Variants in CDK12 observed in about 807,000 individuals in gnomAD.
The protein encoded by CDK12 is cyclin dependent kinase 12, also known as cyclin-dependent kinase 12.
In CDK12, 17 loss-of-function variants were observed where a neutral mutation model predicts 133.8. The ratio of observed to expected loss-of-function variants is 0.13; its 90% CI spans 0.09 to 0.19. The LOEUF is 0.19. Ranked by LOEUF, CDK12 falls within the 10% of genes least tolerant of loss-of-function variation. CDK12 has a pLI of 1.00. For missense variants in CDK12, 1,508 were observed against 1,818.7 expected (o/e 0.83, Z 3.11); for synonymous variants, 694 against 683.6 (o/e 1.02, Z -0.24).
intron 8 of CDK12, among the ~76,000 whole-genome samples, chr17:39,515,354 G>C (rs1391170392): frequency 1.3e-5 from 2 of 152,152 alleles, no homozygotes; most frequent in Non-Finnish European, 2.9e-5. Context: ...AAACTTTATA[G>C]AAACTAACTG....
At chr17:39,473,219 C>T (rs2049935557) in intron 2 of CDK12, among the ~76,000 whole-genome samples, 1 of 151,338 alleles carries the variant, frequency 6.6e-6, no homozygotes, top group South Asian at 2.1e-4. Flanking sequence ...TTTGTTTTTT[C>T]TCTCCTGATC....
At chr17:39,538,591 G>A (rs2055251198), downstream of CDK12, among the ~76,000 whole-genome samples, 1 of 152,210 alleles carries the variant, frequency 6.6e-6, no homozygotes, top group Non-Finnish European at 1.5e-5. Context: ...CTAAGGGATA[G>A]AATGAATAAA....
chr17:39,463,172 G>C (rs915002555), intron 1 of CDK12, 55 bp downstream of exon 1: 44 of 1,487,678 alleles, frequency 3.0e-5, no homozygotes, highest in Non-Finnish European at 3.9e-5. Flanking sequence ...CGAGGAATTG[G>C]CATTCAGCGT....
intron 2 of CDK12, among the ~76,000 whole-genome samples, chr17:39,481,782 A>C (rs1597985067): frequency 6.7e-6 from 1 of 148,214 alleles, no homozygotes; most frequent in Non-Finnish European, 1.5e-5. Context: ...CTGCGATGGC[A>C]CTATCTCGGC....
intron 11 of CDK12, among the ~76,000 whole-genome samples, chr17:39,520,319 C>T (rs1417690481): frequency 6.6e-6 from 1 of 151,884 alleles, no homozygotes; most frequent in Non-Finnish European, 1.5e-5. Flanking sequence ...TTCTTTTGTC[C>T]CTGGATCTCC....
chr17:39,472,992 C>T (rs989275135), intron 2 of CDK12, among the ~76,000 whole-genome samples: 2 of 151,672 alleles, frequency 1.3e-5, no homozygotes, highest in Non-Finnish European at 2.9e-5. Flanking sequence ...AGGAGAATGG[C>T]GTGAACCTGG....
chr17:39,496,258 G>A (rs1248888191), intron 5 of CDK12, among the ~76,000 whole-genome samples: 1 of 152,082 alleles, frequency 6.6e-6, no homozygotes, highest in African/African-American at 2.4e-5. Context: ...TTTTAACAAA[G>A]CTGAGATTAA....
intron 2 of CDK12, 74 bp downstream of exon 2, chr17:39,471,837 A>G (rs932952916): frequency 7.9e-7 from 1 of 1,260,254 alleles, no homozygotes; most frequent in Non-Finnish European, 1.1e-6. Context: ...ATCTTTGTCA[A>G]CACTACCCTC....
rs773086017 is a variant in CDK12, at chr17:39,462,110, G to A, written c.39G>A (p.Gly13=). The change falls in exon 1 of 14, where the codon GGG becomes GGA. Residue 13 remains glycine (G), a synonymous_variant. Coordinates refer to ENST00000447079, the MANE Select transcript of CDK12 (RefSeq NM_016507.4). ...NSERHGGKKD[G]SGGASGTLQP... ...AGAGACATGGGGGCAAGAAGGACGG[G>A]AGTGGAGGAGCTTCTGGAACTTTGC... 6.2e-7 allele frequency: 1 copy of A among 1,614,138 alleles called. No individual in the cohort carries two copies. Among genetic ancestry groups the A allele is most frequent in the South Asian group, 1.1e-5 (1 of 91,080 alleles).
At chr17:39,474,432 C>T (rs184029892) in intron 2 of CDK12, among the ~76,000 whole-genome samples, 71 of 152,286 alleles carry the variant, frequency 4.7e-4, no homozygotes, top group Middle Eastern at 6.8e-3. Context: ...GATCCTCCCA[C>T]CTCAGCTTCC....
downstream of CDK12, among the ~76,000 whole-genome samples, chr17:39,538,505 CATT>C (rs757164470): frequency 6.6e-6 from 1 of 152,202 alleles, no homozygotes; most frequent in Non-Finnish European, 1.5e-5. Context: ...AGGGAACTAA[CATT>C]GTTGGGTACC....
intron 1 of CDK12, among the ~76,000 whole-genome samples, chr17:39,464,544 G>A (rs2049160961): frequency 1.3e-5 from 2 of 151,634 alleles, no homozygotes; most frequent in South Asian, 4.1e-4. Context: ...CATGGCTTTT[G>A]TATTTCAGTG....
intron 2 of CDK12, among the ~76,000 whole-genome samples, chr17:39,475,871 A>C (rs967146824): frequency 6.6e-6 from 1 of 152,072 alleles, no homozygotes; most frequent in Non-Finnish European, 1.5e-5. Flanking sequence ...TGTGGAAAAA[A>C]TTAACTTGAG....
intron 6 of CDK12, among the ~76,000 whole-genome samples, chr17:39,508,255 C>T (rs760929622): frequency 1.9e-4 from 29 of 152,050 alleles, no homozygotes; most frequent in Non-Finnish European, 3.4e-4. Flanking sequence ...GATTTGGATG[C>T]ACAATCTATA....
chr17:39,512,443 A>G (rs2053559578), intron 8 of CDK12, among the ~76,000 whole-genome samples: 1 of 152,218 alleles, frequency 6.6e-6, no homozygotes, highest in Non-Finnish European at 1.5e-5. Flanking sequence ...CCCAGAGAGT[A>G]CAAGCAGTAA....
chr17:39,537,511 G>A (rs1317123912), downstream of CDK12, among the ~76,000 whole-genome samples: 1 of 151,826 alleles, frequency 6.6e-6, no homozygotes, highest in East Asian at 1.9e-4. Flanking sequence ...TGGTAGCTGG[G>A]CTGCAGAAAG....
intron 1 of CDK12, among the ~76,000 whole-genome samples, chr17:39,469,601 T>C (rs1157314117): frequency 6.6e-6 from 1 of 151,976 alleles, no homozygotes; most frequent in Non-Finnish European, 1.5e-5. Flanking sequence ...AACTTCCTGA[T>C]GGATATAACC....
At chr17:39,484,974 T>C (rs1044796464) in intron 2 of CDK12, among the ~76,000 whole-genome samples, 1 of 151,874 alleles carries the variant, frequency 6.6e-6, no homozygotes. Context: ...ATCGAGACCA[T>C]CCTGGCTAAC....
intron 5 of CDK12, among the ~76,000 whole-genome samples, chr17:39,499,974 A>C (rs1203373374): frequency 1.3e-5 from 2 of 152,206 alleles, no homozygotes; most frequent in African/African-American, 4.8e-5. Flanking sequence ...TTACAGCAAC[A>C]AGCAGCAGGC....
Sources: allele counts gnomAD v4.1 joint callset (sites outside exome capture counted in the v4.1 genomes callset), GRCh38; gene constraint gnomAD v4.1.1; transcripts MANE v1.5; gene names NCBI Gene and HGNC (gene_info 2026-07-23, HGNC 2026-07-21).